CNTNAP2: variants seen among roughly 807,000 people sequenced by gnomAD.
The protein encoded by CNTNAP2 is contactin-associated protein-like 2.
A neutral mutation model predicts 155.2 loss-of-function variants in CNTNAP2; 98 were observed. The ratio of observed to expected loss-of-function variants is 0.63; its 90% CI spans 0.54 to 0.75. The LOEUF is 0.75. Ranked by LOEUF, CNTNAP2 falls within the 30% of genes least tolerant of loss-of-function variation. The probability of loss-of-function intolerance (pLI) is 0.00; values close to 1 mark genes in which losing one functional copy is unlikely to be tolerated. For missense variants in CNTNAP2, 1,727 were observed against 1,688.1 expected (o/e 1.02, Z -0.40); for synonymous variants, 651 against 631.2 (o/e 1.03, Z -0.47).
intron 1 of CNTNAP2, among the ~76,000 whole-genome samples, chr7:146,633,707 T>C (rs934173041): frequency 1.3e-5 from 2 of 151,810 alleles, no homozygotes; most frequent in Admixed American, 6.6e-5. Flanking sequence ...TGGGCGCCTG[T>C]AGTCCCAGCT....
At chr7:146,755,742 C>T (rs2129183192) in intron 1 of CNTNAP2, among the ~76,000 whole-genome samples, 1 of 151,992 alleles carries the variant, frequency 6.6e-6, no homozygotes, top group East Asian at 1.9e-4. Flanking sequence ...TAACAGTGTG[C>T]AGAATGAATT....
At position 147,237,049 on chromosome 7, in the gene CNTNAP2, C is replaced by CTTTTT. The variant is rs548220734; in HGVS notation, c.1349-63060_1349-63056dup. 3.3e-4 allele frequency among the ~76,000 whole-genome samples: 19 copies of CTTTTT among 57,476 alleles called. 2 individuals are homozygous for CTTTTT. The highest frequency in any genetic ancestry group is 5.4e-4 in the African/African-American group (8 of 14,820). 37.7% of individuals were successfully genotyped at this position (57,476 alleles called of 152,430 possible). A position where few individuals can be genotyped will look rare whatever the true frequency, so the allele number is the denominator to read the frequency against. ...CCACTTCCTTTAGCCTTCACCTCCTCTTTTTTTTTTTTTTTTTTTTTTTTT... is the reference window on the plus strand; with the variant it reads ...CCACTTCCTTTAGCCTTCACCTCCTCTTTTTTTTTTTTTTTTTTTTTTTTTTTTTT... On this transcript the variant is annotated intron_variant, in intron 8 of 23. Transcript: ENST00000361727.
intron 13 of CNTNAP2, among the ~76,000 whole-genome samples, chr7:147,676,490 T>G (rs1226805110): frequency 3.3e-5 from 5 of 152,028 alleles, no homozygotes; most frequent in Non-Finnish European, 7.4e-5. Flanking sequence ...ACATATGCAC[T>G]GCCTCGTATA....
chr7:147,944,115 C>A (rs1263364165), intron 14 of CNTNAP2, among the ~76,000 whole-genome samples: 1 of 152,306 alleles, frequency 6.6e-6, no homozygotes, highest in Non-Finnish European at 1.5e-5. Flanking sequence ...CCTTTCATTT[C>A]TAGATGCTAA....
intron 13 of CNTNAP2, among the ~76,000 whole-genome samples, chr7:147,792,630 T>G (rs1195313568): frequency 3.3e-5 from 5 of 152,182 alleles, no homozygotes; most frequent in African/African-American, 9.7e-5. Flanking sequence ...GAGTTTACAT[T>G]TTTGCCTGTT....
chr7:146,971,955 C>G (rs1281112589), intron 3 of CNTNAP2, among the ~76,000 whole-genome samples: 5 of 152,148 alleles, frequency 3.3e-5, no homozygotes, highest in African/African-American at 1.2e-4. Flanking sequence ...TATAGCTAGA[C>G]TAATACATGT....
intron 14 of CNTNAP2, among the ~76,000 whole-genome samples, chr7:147,928,592 G>C (rs1800439418): frequency 1.3e-5 from 2 of 152,138 alleles, no homozygotes; most frequent in African/African-American, 2.4e-5. Context: ...CTATAGGCTA[G>C]AGTCAGTGCA....
intron 3 of CNTNAP2, among the ~76,000 whole-genome samples, chr7:146,957,742 C>T (rs537387079): frequency 1.8e-4 from 28 of 152,200 alleles, no homozygotes; most frequent in African/African-American, 6.5e-4. Context: ...TGTATCAAAA[C>T]ATCTCATGTA....
intron 1 of CNTNAP2, among the ~76,000 whole-genome samples, chr7:146,424,197 A>G (rs1796054386): frequency 6.6e-6 from 1 of 152,190 alleles, no homozygotes; most frequent in African/African-American, 2.4e-5. Flanking sequence ...TTCTCAATAA[A>G]GTTGAATTGA....
intron 13 of CNTNAP2, chr7:147,671,765 G>A (rs755663025): frequency 1.3e-5 from 2 of 152,178 alleles, no homozygotes; most frequent in Admixed American, 1.3e-4. Context: ...GGCTGTGATC[G>A]AGCTCCAAAA....
intron 15 of CNTNAP2, among the ~76,000 whole-genome samples, chr7:147,998,103 C>CTTTTTTTTTTT (rs71188938): frequency 5.3e-5 from 4 of 75,804 alleles, no homozygotes; most frequent in Non-Finnish European, 9.3e-5. Flanking sequence ...TTTCTTTTTT[C>CTTTTTTTTTTT]TTTTTTTTTT....
chr7:146,839,408 G>C (rs866558507), intron 2 of CNTNAP2, among the ~76,000 whole-genome samples: 24 of 152,116 alleles, frequency 1.6e-4, no homozygotes, highest in Admixed American at 7.2e-4. Context: ...ATGGTAAATT[G>C]GTCAACCCTC....
intron 8 of CNTNAP2, among the ~76,000 whole-genome samples, chr7:147,265,393 G>A (rs540912590): frequency 5.3e-5 from 8 of 152,130 alleles, no homozygotes; most frequent in East Asian, 3.9e-4. Flanking sequence ...GTGGAAGATC[G>A]TGGCCCAACT....
chr7:147,900,624 G>A (rs1799852089), intron 13 of CNTNAP2, among the ~76,000 whole-genome samples: 1 of 151,938 alleles, frequency 6.6e-6, no homozygotes, highest in Non-Finnish European at 1.5e-5. Flanking sequence ...GTTTTGTTTT[G>A]TTTTGTTTTT....
In CNTNAP2 at chr7:146,585,044, G is replaced by T. The variant is rs999728093; in HGVS notation, c.98-189227G>T. Among the ~76,000 whole-genome samples, 3 of 152,140 alleles carry T rather than the reference G, an allele frequency of 2.0e-5. No homozygotes were observed. The South Asian group carries it at 6.2e-4, about 32-fold the overall frequency. On this transcript the variant is annotated intron_variant, in intron 1 of 23. Coordinates refer to ENST00000361727, the MANE Select transcript of CNTNAP2 (RefSeq NM_014141.6). ...CCATCTGAGCCAATTCAGTTCATGC[G>T]TTGAATCACAATATGTTGGTGGTCC...
chr7:146,892,636 C>A (rs1463038114), intron 3 of CNTNAP2, among the ~76,000 whole-genome samples: 2 of 152,064 alleles, frequency 1.3e-5, no homozygotes, highest in South Asian at 2.1e-4. Context: ...CTTAGCTGGG[C>A]GTGGTGGCAC....
At chr7:147,247,214 C>T (rs762942234) in intron 8 of CNTNAP2, among the ~76,000 whole-genome samples, 2 of 152,076 alleles carry the variant, frequency 1.3e-5, no homozygotes, top group Non-Finnish European at 2.9e-5. Context: ...TTCCCCTCTC[C>T]TCGGGGTTCT....
At chr7:147,978,914 A>G (rs979487859) in intron 15 of CNTNAP2, among the ~76,000 whole-genome samples, 3 of 152,110 alleles carry the variant, frequency 2.0e-5, no homozygotes, top group Non-Finnish European at 4.4e-5. Context: ...ACACATCCCA[A>G]TTCCTCCTGG....
chr7:147,867,491 A>T (rs542409908), intron 13 of CNTNAP2, among the ~76,000 whole-genome samples: 2 of 152,100 alleles, frequency 1.3e-5, no homozygotes, highest in East Asian at 3.9e-4. Flanking sequence ...TTGAATGTTG[A>T]CCTGCCTTGC....
Sources: gnomAD v4.1 joint callset for allele counts (sites outside exome capture counted in the v4.1 genomes callset) on GRCh38, gnomAD v4.1.1 for gene constraint, MANE v1.5 for transcripts, NCBI Gene and HGNC (gene_info 2026-07-23, HGNC 2026-07-21) for gene names.